Variants in LINGO1 observed in about 807,000 individuals in gnomAD.
LINGO1 encodes the protein leucine-rich repeat and immunoglobulin-like domain-containing nogo receptor-interacting protein 1.
Under a neutral mutation model 37.3 loss-of-function variants are expected in LINGO1, and 11 were observed. The observed-to-expected ratio is 0.29, with a 90% CI of 0.19 to 0.49. The LOEUF (loss-of-function observed/expected upper bound fraction) is 0.49, where lower values mean the gene tolerates loss of function less well. Among genes scored for constraint, LINGO1 ranks in the 20% least tolerant of loss-of-function variants. The pLI is 0.99. For missense variants in LINGO1, 585 were observed against 878.2 expected (o/e 0.67, Z 4.22); for synonymous variants, 387 against 403.0 (o/e 0.96, Z 0.48).
intron 1 of LINGO1, among the ~76,000 whole-genome samples, chr15:77,776,963 A>T (rs896527904): frequency 6.6e-6 from 1 of 152,222 alleles, no homozygotes; most frequent in Non-Finnish European, 1.5e-5. Context: ...CTAGACCCAG[A>T]GCCTGGCTCT....
chr15:77,624,170 TGTGTG>T (rs1165248594), intron 1 of LINGO1, among the ~76,000 whole-genome samples: 1 of 98,458 alleles, frequency 1.0e-5, no homozygotes, highest in Non-Finnish European at 1.8e-5. Flanking sequence ...CCTCTGTGTG[TGTGTG>T]TGTGTGTGTG....
intron 1 of LINGO1, among the ~76,000 whole-genome samples, chr15:77,804,831 C>T (rs1040341434): frequency 1.3e-5 from 2 of 152,166 alleles, no homozygotes; most frequent in Non-Finnish European, 2.9e-5. Context: ...CTGGGTACTG[C>T]GGTTACCACC....
intron 3 of LINGO1, among the ~76,000 whole-genome samples, chr15:77,653,935 A>C (rs1468549574): frequency 6.6e-6 from 1 of 152,246 alleles, no homozygotes; most frequent in African/African-American, 2.4e-5. Flanking sequence ...AGAGTCATTA[A>C]GGAATGTTAA....
intron 1 of LINGO1, among the ~76,000 whole-genome samples, chr15:77,818,667 A>T (rs977871597): frequency 6.6e-6 from 1 of 151,784 alleles, no homozygotes; most frequent in Non-Finnish European, 1.5e-5. Flanking sequence ...CCCCAACTGA[A>T]CCTTGGTGTC....
At chr15:77,748,626 C>A (rs1346112045) in intron 1 of LINGO1, among the ~76,000 whole-genome samples, 1 of 152,204 alleles carries the variant, frequency 6.6e-6, no homozygotes, top group Non-Finnish European at 1.5e-5. Flanking sequence ...CCTTTTCCTC[C>A]CCACAACTCT....
intron 1 of LINGO1, among the ~76,000 whole-genome samples, chr15:77,692,147 A>G (rs1255378090): frequency 1.3e-5 from 2 of 152,234 alleles, no homozygotes; most frequent in Non-Finnish European, 2.9e-5. Flanking sequence ...ACGTAAACAC[A>G]TATGTGCATC....
At chr15:77,756,041 G>C (rs955736940) in intron 1 of LINGO1, among the ~76,000 whole-genome samples, 1 of 151,324 alleles carries the variant, frequency 6.6e-6, no homozygotes, top group African/African-American at 2.5e-5. Context: ...TGGGAAGTAG[G>C]GGGGTGGCAG....
intron 2 of LINGO1, among the ~76,000 whole-genome samples, chr15:77,794,289 T>TATAC (rs1491445690): frequency 1.0e-5 from 1 of 96,964 alleles, no homozygotes; most frequent in Non-Finnish European, 2.1e-5. Flanking sequence ...TATATATATA[T>TATAC]GTATGTATAT....
chr15:77,617,569 T>C (rs552174231), intron 1 of LINGO1, among the ~76,000 whole-genome samples: 4 of 152,132 alleles, frequency 2.6e-5, no homozygotes, highest in Admixed American at 1.3e-4. Context: ...CTCTCCACCC[T>C]AGCTCAGGCC....
In LINGO1 at chr15:77,775,056, G is replaced by A. The variant is rs570909019; in HGVS notation, c.-257+11813C>T. On this transcript the variant is annotated intron_variant, in intron 1 of 3. Coordinates refer to the LINGO1 transcript ENST00000561686. ...GAGGCGATGCATGTTGAGGGTGGCA[G>A]AGCCACAGGCCTGATGCTCAGACGT... Among the ~76,000 whole-genome samples, 13 of 152,354 alleles carry A rather than the reference G, an allele frequency of 8.5e-5. No individual in the cohort carries two copies. The South Asian group carries it at 2.7e-3, about 32-fold the overall frequency.
intron 2 of LINGO1, among the ~76,000 whole-genome samples, chr15:77,711,886 G>GC (rs1406082879): frequency 4.0e-5 from 6 of 150,864 alleles, no homozygotes; most frequent in African/African-American, 7.3e-5. Flanking sequence ...TCCTCTGAGG[G>GC]GGGGGCACAC....
chr15:77,702,296 G>C (rs2075794155), intron 2 of LINGO1, among the ~76,000 whole-genome samples: 1 of 152,122 alleles, frequency 6.6e-6, no homozygotes, highest in South Asian at 2.1e-4. Flanking sequence ...TACAGGCTGG[G>C]GGACACCTGC....
At chr15:77,683,125 G>A (rs535154205) in intron 2 of LINGO1, among the ~76,000 whole-genome samples, 1 of 152,320 alleles carries the variant, frequency 6.6e-6, no homozygotes, top group East Asian at 1.9e-4. Context: ...AAAACTGCAC[G>A]AAAAGATGCT....
At chr15:77,625,235 T>C (rs1271618445) in intron 1 of LINGO1, among the ~76,000 whole-genome samples, 1 of 152,116 alleles carries the variant, frequency 6.6e-6, no homozygotes, top group Non-Finnish European at 1.5e-5. Context: ...AGCCTGGGAT[T>C]TGGGATTAGC....
intron 2 of LINGO1, among the ~76,000 whole-genome samples, chr15:77,703,875 C>T (rs4480766): frequency 6.6e-4 from 101 of 152,244 alleles, no homozygotes; most frequent in African/African-American, 2.3e-3. Flanking sequence ...GCTGAACTCA[C>T]AGTCCCCAGT....
intron 1 of LINGO1, among the ~76,000 whole-genome samples, chr15:77,738,478 C>T (rs1274004292): frequency 6.6e-6 from 1 of 152,176 alleles, no homozygotes; most frequent in Non-Finnish European, 1.5e-5. Flanking sequence ...ACTTTCTTAC[C>T]ATCCCATTCA....
chr15:77,768,481 T>C, intron 1 of LINGO1, among the ~76,000 whole-genome samples: 1 of 151,914 alleles, frequency 6.6e-6, no homozygotes, highest in East Asian at 1.9e-4. Flanking sequence ...ATTAAGCAAA[T>C]AAAGCAACAA....
intron 2 of LINGO1, among the ~76,000 whole-genome samples, chr15:77,714,926 G>T (rs1392401276): frequency 6.6e-6 from 1 of 152,240 alleles, no homozygotes; most frequent in African/African-American, 2.4e-5. Flanking sequence ...ATGGTCCCAA[G>T]AAGACATTAG....
chr15:77,651,922 T>C (rs1196059901), intron 3 of LINGO1: 1 of 152,154 alleles, frequency 6.6e-6, no homozygotes, highest in Non-Finnish European at 1.5e-5. Context: ...TTAGGGACTG[T>C]GGGCTTAGGC....
Sources: allele counts gnomAD v4.1 joint callset (sites outside exome capture counted in the v4.1 genomes callset), GRCh38; gene constraint gnomAD v4.1.1; transcripts MANE v1.5; gene names NCBI Gene and HGNC (gene_info 2026-07-23, HGNC 2026-07-21).